ENOX1: variants seen among roughly 807,000 people sequenced by gnomAD.
ENOX1 encodes the protein candidate growth-related and time keeping constitutive hydroquinone (NADH) oxidase.
Under a neutral mutation model 82.5 loss-of-function variants are expected in ENOX1, and 42 were observed. The observed-to-expected ratio is 0.51, with a 90% CI of 0.40 to 0.66. The LOEUF is 0.66. Among genes scored for constraint, ENOX1 ranks in the 30% least tolerant of loss-of-function variants. The pLI, the probability that ENOX1 is intolerant of heterozygous loss-of-function variation, is 0.00. For missense variants in ENOX1, 608 were observed against 811.6 expected (o/e 0.75, Z 3.05); for synonymous variants, 271 against 282.2 (o/e 0.96, Z 0.40).
intron 1 of ENOX1, among the ~76,000 whole-genome samples, chr13:43,705,302 ACAACTCT>A: frequency 8.2e-6 from 1 of 121,916 alleles, no homozygotes; most frequent in African/African-American, 3.0e-5. Flanking sequence ...CAAACAAACA[ACAACTCT>A]CTCTCTCTCT....
chr13:43,236,224 T>C (rs1405849211), intron 15 of ENOX1, among the ~76,000 whole-genome samples: 3 of 152,142 alleles, frequency 2.0e-5, no homozygotes, highest in Admixed American at 6.5e-5. Flanking sequence ...GGAGTGACTT[T>C]AGGATGTGGC....
intron 2 of ENOX1, among the ~76,000 whole-genome samples, chr13:43,489,954 TTTGAGACA>T (rs2076563916): frequency 6.6e-6 from 1 of 152,202 alleles, no homozygotes; most frequent in Admixed American, 6.5e-5. Flanking sequence ...TTACTTTATT[TTTGAGACA>T]GAATGTCGCT....
At chr13:43,762,245 T>C (rs748568832) in intron 1 of ENOX1, among the ~76,000 whole-genome samples, 2 of 152,202 alleles carry the variant, frequency 1.3e-5, no homozygotes, top group African/African-American at 2.4e-5. Context: ...TTCCATTTCC[T>C]CTAAGCAAAC....
At chr13:43,310,161 T>G (rs1426181969) in intron 11 of ENOX1, among the ~76,000 whole-genome samples, 1 of 119,594 alleles carries the variant, frequency 8.4e-6, no homozygotes, top group Non-Finnish European at 1.6e-5. Context: ...ATCACGCCAT[T>G]GCACTCTACC....
intron 5 of ENOX1, among the ~76,000 whole-genome samples, chr13:43,364,197 AG>A (rs1220122036): frequency 1.1e-4 from 17 of 152,330 alleles, no homozygotes; most frequent in African/African-American, 3.4e-4. Flanking sequence ...CTGAAAATCG[AG>A]GAAGACACAA....
At chr13:43,239,494 A>C (rs905579064) in intron 14 of ENOX1, among the ~76,000 whole-genome samples, 27 of 152,342 alleles carry the variant, frequency 1.8e-4, no homozygotes, top group African/African-American at 6.5e-4. Context: ...AACTGGCCTC[A>C]AGAATCTCCA....
At chr13:43,506,966 C>T (rs989854008) in intron 2 of ENOX1, among the ~76,000 whole-genome samples, 7 of 119,838 alleles carry the variant, frequency 5.8e-5, no homozygotes, top group Non-Finnish European at 1.0e-4. Flanking sequence ...TGCACATGTA[C>T]CCTAAAACTT....
rs1174448355 is a variant in ENOX1, at chr13:43,581,125, C to CTTTTTTTT, written c.-219+86346_-219+86353dup. 2.4e-3 allele frequency among the ~76,000 whole-genome samples: 188 copies of CTTTTTTTT among 77,096 alleles called. 6 individuals carry two copies. The highest frequency in any genetic ancestry group is 3.2e-3 in the African/African-American group (61 of 19,142). The allele number at this position is 77,096 out of a possible 152,430, so 50.6% of individuals were successfully genotyped here. On this transcript the variant is annotated intron_variant, in intron 2 of 16. Coordinates refer to ENST00000690772, the MANE Select transcript of ENOX1 (RefSeq NM_001347969.2). Reference sequence around the variant, plus strand: ...TAAGTTATTTTAGCACTACCTGATTCTTTTTTTTTTTTTTTTTTTTTTTTT... The same window carrying CTTTTTTTT: ...TAAGTTATTTTAGCACTACCTGATTCTTTTTTTTTTTTTTTTTTTTTTTTTTTTTTTTT...
chr13:43,733,163 G>T (rs995151044), intron 1 of ENOX1, among the ~76,000 whole-genome samples: 5 of 152,102 alleles, frequency 3.3e-5, no homozygotes, highest in Non-Finnish European at 7.4e-5. Flanking sequence ...GCATTATGAG[G>T]CTGGAATACA....
intron 9 of ENOX1, among the ~76,000 whole-genome samples, chr13:43,332,558 T>C (rs1366179459): frequency 6.6e-6 from 1 of 152,066 alleles, no homozygotes; most frequent in Non-Finnish European, 1.5e-5. Flanking sequence ...AAAAACAGGA[T>C]GTTTTAAGCA....
At chr13:43,393,927 C>T (rs1298059206) in intron 5 of ENOX1, among the ~76,000 whole-genome samples, 2 of 152,134 alleles carry the variant, frequency 1.3e-5, no homozygotes, top group African/African-American at 4.8e-5. Context: ...TGAGTTCTCA[C>T]TGTTATTCAC....
intron 16 of ENOX1, among the ~76,000 whole-genome samples, chr13:43,215,921 G>A (rs890719789): frequency 6.6e-6 from 1 of 152,198 alleles, no homozygotes; most frequent in African/African-American, 2.4e-5. Flanking sequence ...CTTAGGCCGG[G>A]CGTTGTAGCT....
rs576586673 is a variant in ENOX1, at chr13:43,364,437, G to A, written c.209-2985C>T. 1.8e-4 allele frequency among the ~76,000 whole-genome samples: 27 copies of A among 152,254 alleles called. No homozygotes were observed. The Middle Eastern group carries it at 0.014, about 77-fold the overall frequency. On this transcript the variant is annotated intron_variant, in intron 5 of 16. Transcript: ENST00000690772. ...AAGGAAGGGTTATTCATCACAGACC[G>A]TGGCCCTGTCTGGCTCCTCTCTGTG... is the stretch of plus-strand genomic sequence containing the variant.
Position 43,493,597 on chromosome 13 carries a change from C to T in ENOX1, c.-218-9445G>A, listed in dbSNP as rs182688064. On this transcript the variant is annotated intron_variant, in intron 2 of 16. Transcript: ENST00000690772. ...CCCAGCTGATTGGATAGTAACCACC[C>T]ACATTGAAGGCAGATCTTCCCCATT... Among the ~76,000 whole-genome samples, 11 of 152,308 alleles carry T rather than the reference C, an allele frequency of 7.2e-5. No homozygotes were observed. The East Asian group carries it at 1.9e-3, about 27-fold the overall frequency.
chr13:43,408,967 T>C (rs1350689992), intron 5 of ENOX1, among the ~76,000 whole-genome samples: 6 of 147,580 alleles, frequency 4.1e-5, no homozygotes, highest in South Asian at 4.3e-4. Context: ...AGGCAAAACA[T>C]GGAGTAGATA....
chr13:43,518,057 A>G (rs1051846511), intron 2 of ENOX1, among the ~76,000 whole-genome samples: 1 of 152,110 alleles, frequency 6.6e-6, no homozygotes, highest in Admixed American at 6.6e-5. Context: ...TCCTTTTAAC[A>G]TGGATCCTAT....
chr13:43,471,573 G>A (rs1374638775), intron 3 of ENOX1, among the ~76,000 whole-genome samples: 1 of 152,116 alleles, frequency 6.6e-6, no homozygotes, highest in African/African-American at 2.4e-5. Flanking sequence ...CGCTTTGGGA[G>A]GTCAAGGTGG....
At chr13:43,426,152 T>G (rs1287136246) in intron 3 of ENOX1, among the ~76,000 whole-genome samples, 1 of 152,152 alleles carries the variant, frequency 6.6e-6, no homozygotes, top group Non-Finnish European at 1.5e-5. Flanking sequence ...TTTGCCAAAC[T>G]CAGTTCAGGA....
chr13:43,410,812 C>T (rs1378977282), intron 5 of ENOX1, among the ~76,000 whole-genome samples: 1 of 152,126 alleles, frequency 6.6e-6, no homozygotes. Context: ...ATTTAATGAA[C>T]ACCATCTACC....
Sources: allele counts gnomAD v4.1 joint callset (sites outside exome capture counted in the v4.1 genomes callset), GRCh38; gene constraint gnomAD v4.1.1; transcripts MANE v1.5; gene names NCBI Gene and HGNC (gene_info 2026-07-23, HGNC 2026-07-21).